The following CLXN variants were observed in gnomAD, a reference collection of about 807,000 sequenced individuals.
CLXN encodes the protein calaxin.
the CLXN span, chr8:48,724,137 AC>A: frequency 2.0e-5 from 3 of 152,026 alleles, no homozygotes; most frequent in East Asian, 5.8e-4. Context: ...GGTGGATAAA[AC>A]CCTTGCCTTC....
the CLXN span, among the ~76,000 whole-genome samples, chr8:48,733,544 C>A: frequency 6.6e-6 from 1 of 152,222 alleles, no homozygotes; most frequent in Non-Finnish European, 1.5e-5. Context: ...TATTGTCTTG[C>A]AACTAAAACA....
the CLXN span, among the ~76,000 whole-genome samples, chr8:48,721,154 C>T: frequency 6.6e-6 from 1 of 152,102 alleles, no homozygotes; most frequent in Admixed American, 6.5e-5. Context: ...AAATCAGTCA[C>T]GTTTCTACCC....
the CLXN span, among the ~76,000 whole-genome samples, chr8:48,732,775 A>G: frequency 6.6e-6 from 1 of 152,236 alleles, no homozygotes; most frequent in Non-Finnish European, 1.5e-5. Flanking sequence ...AATATCATTC[A>G]GCCTTAAAAA....
the CLXN span, among the ~76,000 whole-genome samples, chr8:48,733,535 AT>A: frequency 6.6e-6 from 1 of 152,164 alleles, no homozygotes; most frequent in Non-Finnish European, 1.5e-5. Flanking sequence ...TGATAGCTTT[AT>A]TGTCTTGCAA....
At chr8:48,717,859 A>C in the CLXN span, among the ~76,000 whole-genome samples, 1 of 152,090 alleles carries the variant, frequency 6.6e-6, no homozygotes, top group African/African-American at 2.4e-5. Flanking sequence ...AACTACCAAA[A>C]CCCCTATAAT....
At chr8:48,730,664 A>G in the CLXN span, 1 of 1,443,810 alleles carries the variant, frequency 6.9e-7, no homozygotes, top group Non-Finnish European at 9.7e-7. Context: ...GAGAGGTTAA[A>G]TGGAACACCT....
At chr8:48,714,733 C>CGAATGGAAA in the CLXN span, among the ~76,000 whole-genome samples, 1 of 152,174 alleles carries the variant, frequency 6.6e-6, no homozygotes, top group South Asian at 2.1e-4. Context: ...GGAAGCCTTT[C>CGAATGGAAA]CTGATGAATG....
the CLXN span, among the ~76,000 whole-genome samples, chr8:48,728,173 C>T: frequency 6.6e-6 from 1 of 152,290 alleles, no homozygotes; most frequent in South Asian, 2.1e-4. Flanking sequence ...TAAATCTGAG[C>T]TCCAAGCTCC....
the CLXN span, among the ~76,000 whole-genome samples, chr8:48,734,850 T>C: frequency 5.8e-4 from 88 of 152,166 alleles, no homozygotes; most frequent in Non-Finnish European, 1.1e-3. Flanking sequence ...AGCAAGTAAA[T>C]GCATGTGTGG....
chr8:48,715,203 T>C, the CLXN span: 1 of 152,244 alleles, frequency 6.6e-6, no homozygotes, highest in Admixed American at 6.5e-5. Flanking sequence ...ATCTGAAATA[T>C]TCTTCAGAGA....
the CLXN span, chr8:48,730,395 C>A: frequency 5.9e-6 from 3 of 505,548 alleles, no homozygotes; most frequent in African/African-American, 5.9e-5. Flanking sequence ...TGAATTCATT[C>A]CATAAAATAG....
the CLXN span, among the ~76,000 whole-genome samples, chr8:48,734,192 C>T: frequency 6.6e-6 from 1 of 152,240 alleles, no homozygotes; most frequent in South Asian, 2.1e-4. Context: ...TTTATTCCTT[C>T]TTTTTTGAGC....
chr8:48,714,261 T>C, the CLXN span, among the ~76,000 whole-genome samples: 30 of 152,276 alleles, frequency 2.0e-4, 1 homozygote, highest in African/African-American at 6.5e-4. Flanking sequence ...ATGTGGTGAG[T>C]TAATTTTCAG....
At chr8:48,730,540 A>G in the CLXN span, 1 of 1,600,796 alleles carries the variant, frequency 6.2e-7, no homozygotes, top group South Asian at 1.1e-5. Flanking sequence ...GCAATCTTAC[A>G]TTTCATTTTT....
the CLXN span, chr8:48,730,508 G>A: frequency 7.0e-7 from 1 of 1,420,254 alleles, no homozygotes; most frequent in Non-Finnish European, 9.9e-7. Flanking sequence ...TATTCATAAT[G>A]TACGAACCAA....
At chr8:48,731,846 A>G in the CLXN span, among the ~76,000 whole-genome samples, 6 of 152,182 alleles carry the variant, frequency 3.9e-5, no homozygotes, top group African/African-American at 1.4e-4. Flanking sequence ...ACTTTTTCTC[A>G]GTATTTTTAC....
chr8:48,733,239 T>C, the CLXN span, among the ~76,000 whole-genome samples: 4 of 152,272 alleles, frequency 2.6e-5, no homozygotes, highest in Non-Finnish European at 4.4e-5. Context: ...GGGATGTTGG[T>C]TAGCCATTTT....
the CLXN span, among the ~76,000 whole-genome samples, chr8:48,717,002 C>G: frequency 4.6e-5 from 7 of 152,208 alleles, no homozygotes; most frequent in East Asian, 1.4e-3. Flanking sequence ...CCCATCTCTA[C>G]TAAAAATACA....
At chr8:48,716,790 A>G in the CLXN span, among the ~76,000 whole-genome samples, 1 of 152,176 alleles carries the variant, frequency 6.6e-6, no homozygotes, top group African/African-American at 2.4e-5. Flanking sequence ...AACAGTAAAA[A>G]AGAATGACGA....
Sources: allele counts gnomAD v4.1 joint callset (sites outside exome capture counted in the v4.1 genomes callset), GRCh38; gene constraint gnomAD v4.1.1; transcripts MANE v1.5; gene names NCBI Gene and HGNC (gene_info 2026-07-23, HGNC 2026-07-21).